ADCY2: variants seen among roughly 807,000 people sequenced by gnomAD.
The protein encoded by ADCY2 is adenylate cyclase type 2.
ADCY2 carries 31 observed loss-of-function variants against 125.2 expected under a neutral mutation model. The observed-to-expected ratio is 0.25, with a 90% CI of 0.19 to 0.33. The LOEUF (loss-of-function observed/expected upper bound fraction) is 0.33. ADCY2 is among the 10% of genes least tolerant of loss of function. The probability of loss-of-function intolerance (pLI) is 1.00; values close to 1 mark genes in which losing one functional copy is unlikely to be tolerated. For missense variants in ADCY2, 904 were observed against 1,418.2 expected (o/e 0.64, Z 5.82); for synonymous variants, 512 against 548.4 (o/e 0.93, Z 0.93).
rs565935120 is a variant in ADCY2, at chr5:7,484,841, A to G, written c.409-35897A>G. ...TCAGTACACTTACATTTTACTTCTT[A>G]CATGTTAAAATTCAGCACTTCAGAC... On this transcript the variant is annotated intron_variant, in intron 2 of 24. Transcript: ENST00000338316. Among the ~76,000 whole-genome samples the G allele has an allele frequency of 3.3e-5, 5 of 152,212 alleles. No homozygotes were observed. The South Asian group carries it at 1.0e-3, about 32-fold the overall frequency.
In ADCY2 at chr5:7,828,127, C is replaced by T. The variant is rs1579488225; in HGVS notation, c.*1256C>T. ...GTACTTTTAACATAAAGAAATCATACTTTGCCAAATAGTGAAAAGTAGAGC... is the reference window on the plus strand; with the variant it reads ...GTACTTTTAACATAAAGAAATCATATTTTGCCAAATAGTGAAAAGTAGAGC... On this transcript the variant is annotated 3_prime_UTR_variant, in exon 25 of 25. Transcript: ENST00000338316. The T allele has an allele frequency of 6.5e-6, 1 of 152,808 alleles. No homozygotes were observed. Among genetic ancestry groups the T allele is most frequent in the Non-Finnish European group, 1.5e-5 (1 of 68,050 alleles). The allele number at this position is 152,808 out of a possible 1,614,324, so 9.5% of individuals were successfully genotyped here.
At chr5:7,437,737 T>C (rs1214000950) in intron 2 of ADCY2, among the ~76,000 whole-genome samples, 1 of 152,252 alleles carries the variant, frequency 6.6e-6, no homozygotes, top group Non-Finnish European at 1.5e-5. Context: ...AAGATACTGA[T>C]ACCAATGGGA....
At chr5:7,559,139 G>T (rs1579572697) in intron 3 of ADCY2, among the ~76,000 whole-genome samples, 2 of 152,104 alleles carry the variant, frequency 1.3e-5, no homozygotes, top group East Asian at 1.9e-4. Context: ...TTTTGGTTAG[G>T]ATTGCTTTGG....
chr5:7,578,108 C>T (rs1333741468), intron 3 of ADCY2, among the ~76,000 whole-genome samples: 17 of 152,200 alleles, frequency 1.1e-4, no homozygotes, highest in Admixed American at 1.1e-3. Flanking sequence ...AGACTGAAGG[C>T]TCCTTGCTGT....
At chr5:7,459,013 T>G (rs576712343) in intron 2 of ADCY2, among the ~76,000 whole-genome samples, 19 of 152,118 alleles carry the variant, frequency 1.2e-4, no homozygotes, top group Non-Finnish European at 2.4e-4. Flanking sequence ...GCTTAAATCA[T>G]GAAGATGCGT....
intron 2 of ADCY2, among the ~76,000 whole-genome samples, chr5:7,510,600 C>G (rs1451746539): frequency 6.6e-6 from 1 of 152,152 alleles, no homozygotes; most frequent in Non-Finnish European, 1.5e-5. Context: ...TCCACAAAAT[C>G]AAATAGGATG....
intron 4 of ADCY2, among the ~76,000 whole-genome samples, chr5:7,648,149 CT>C (rs1239951054): frequency 6.6e-6 from 1 of 152,022 alleles, no homozygotes; most frequent in Non-Finnish European, 1.5e-5. Flanking sequence ...GACTGGTTGC[CT>C]TTTTTTTCTT....
intron 2 of ADCY2, among the ~76,000 whole-genome samples, chr5:7,429,774 A>G (rs1164722691): frequency 1.3e-5 from 2 of 152,238 alleles, no homozygotes; most frequent in Non-Finnish European, 2.9e-5. Context: ...GCTTAGCAGG[A>G]AAGTGATAAC....
At chr5:7,508,662 A>G (rs1743937317) in intron 2 of ADCY2, among the ~76,000 whole-genome samples, 1 of 152,220 alleles carries the variant, frequency 6.6e-6, no homozygotes, top group Non-Finnish European at 1.5e-5. Context: ...AGCCAGGTCC[A>G]TGCCCAGGTG....
intron 20 of ADCY2, among the ~76,000 whole-genome samples, chr5:7,790,256 C>T (rs992415503): frequency 6.6e-6 from 1 of 152,154 alleles, no homozygotes; most frequent in Non-Finnish European, 1.5e-5. Context: ...TCCCTGACAG[C>T]CTTCCAAGGC....
chr5:7,513,701 A>C (rs986027933), intron 2 of ADCY2, among the ~76,000 whole-genome samples: 1 of 152,178 alleles, frequency 6.6e-6, no homozygotes, highest in African/African-American at 2.4e-5. Context: ...GTATTCTGCA[A>C]CAACAATGAG....
intron 24 of ADCY2, 58 bp from the exon 25 acceptor site, chr5:7,826,661 G>T: frequency 6.2e-7 from 1 of 1,611,594 alleles, no homozygotes; most frequent in Non-Finnish European, 8.5e-7. Flanking sequence ...CCTTGAGTCA[G>T]ATGGGTTGTA....
intron 4 of ADCY2, chr5:7,654,016 C>T: frequency 4.4e-6 from 2 of 455,794 alleles, no homozygotes; most frequent in Non-Finnish European, 8.8e-6. Context: ...GTCTAGAGGT[C>T]ATGGACCTGC....
At chr5:7,666,251 C>T (rs1739720734) in intron 4 of ADCY2, among the ~76,000 whole-genome samples, 1 of 151,942 alleles carries the variant, frequency 6.6e-6, no homozygotes, top group African/African-American at 2.4e-5. Context: ...CCTAGGCTGC[C>T]AGGAGGAAAG....
intron 1 of ADCY2, among the ~76,000 whole-genome samples, chr5:7,413,855 A>T (rs949187988): frequency 1.3e-5 from 2 of 151,986 alleles, no homozygotes; most frequent in South Asian, 2.1e-4. Context: ...AGAGATAAAT[A>T]AAAAAAAATT....
chr5:7,812,623 G>A (rs972035586), intron 22 of ADCY2, among the ~76,000 whole-genome samples: 16 of 152,162 alleles, frequency 1.1e-4, no homozygotes, highest in Non-Finnish European at 1.9e-4. Flanking sequence ...GAGGTAGGGA[G>A]TTGGCTGGGT....
At chr5:7,730,236 A>G (rs1020304534) in intron 14 of ADCY2, among the ~76,000 whole-genome samples, 1 of 152,206 alleles carries the variant, frequency 6.6e-6, no homozygotes, top group African/African-American at 2.4e-5. Flanking sequence ...TTGGCAGAGT[A>G]ATTTTCCATC....
In ADCY2 at chr5:7,762,616, C is replaced by A. The variant is rs1355709191; in HGVS notation, c.2095-4071C>A. Among the ~76,000 whole-genome samples the A allele has an allele frequency of 3.3e-5, 5 of 152,360 alleles. No homozygotes were observed. The East Asian group carries it at 9.7e-4, about 29-fold the overall frequency. On this transcript the variant is annotated intron_variant, in intron 16 of 24. Coordinates refer to ENST00000338316, the MANE Select transcript of ADCY2 (RefSeq NM_020546.3). ...GTGAAACCTAGTCTTTACCTACATGCAGTTCAATGGTCCCAGGGTTGTTTC... is the reference window on the plus strand; with the variant it reads ...GTGAAACCTAGTCTTTACCTACATGAAGTTCAATGGTCCCAGGGTTGTTTC...
At chr5:7,678,447 C>T (rs1740206285) in intron 4 of ADCY2, among the ~76,000 whole-genome samples, 1 of 152,178 alleles carries the variant, frequency 6.6e-6, no homozygotes, top group Non-Finnish European at 1.5e-5. Flanking sequence ...AAGTACTCTT[C>T]CTTCTCTGCA....
Sources: allele counts gnomAD v4.1 joint callset (sites outside exome capture counted in the v4.1 genomes callset), GRCh38; gene constraint gnomAD v4.1.1; transcripts MANE v1.5; gene names NCBI Gene and HGNC (gene_info 2026-07-23, HGNC 2026-07-21).